SHISA9: variants seen among roughly 807,000 people sequenced by gnomAD.
SHISA9 encodes shisa family member 9.
Under a neutral mutation model 38.0 loss-of-function variants are expected in SHISA9, and 13 were observed. The observed-to-expected ratio is 0.34, with a 90% CI of 0.22 to 0.54. SHISA9 has a LOEUF of 0.54. SHISA9 is among the 20% of genes least tolerant of loss of function. The pLI, the probability that SHISA9 is intolerant of heterozygous loss-of-function variation, is 0.91. For synonymous variants in SHISA9, 275 were observed against 242.0 expected (o/e 1.14, Z -1.27); for missense variants, 538 against 575.8 (o/e 0.93, Z 0.67).
chr16:13,297,826 G>C, the SHISA9 span, among the ~76,000 whole-genome samples: 2 of 151,902 alleles, frequency 1.3e-5, no homozygotes, highest in Non-Finnish European at 2.9e-5. Flanking sequence ...GCACAATCTC[G>C]GCTCACTGCA....
At chr16:13,367,735 CA>C in the SHISA9 span, among the ~76,000 whole-genome samples, 1 of 148,354 alleles carries the variant, frequency 6.7e-6, no homozygotes, top group African/African-American at 2.5e-5. Flanking sequence ...CACACACACA[CA>C]CACACACACA....
chr16:13,194,345 G>T (rs2050916693), intron 2 of SHISA9, among the ~76,000 whole-genome samples: 1 of 152,204 alleles, frequency 6.6e-6, no homozygotes, highest in African/African-American at 2.4e-5. Flanking sequence ...ACCTCCTTCA[G>T]CAGCAATAAG....
chr16:13,338,816 CA>C, the SHISA9 span, among the ~76,000 whole-genome samples: 1 of 152,074 alleles, frequency 6.6e-6, no homozygotes, highest in South Asian at 2.1e-4. Flanking sequence ...TACAGTAAAG[CA>C]AAAGTCACGA....
At chr16:13,190,211 C>G (rs2050870201) in intron 2 of SHISA9, among the ~76,000 whole-genome samples, 1 of 150,256 alleles carries the variant, frequency 6.7e-6, no homozygotes, top group African/African-American at 2.4e-5. Flanking sequence ...GGTATATCTC[C>G]CAATGCTATC....
At chr16:13,138,571 G>A (rs906906512) in intron 2 of SHISA9, among the ~76,000 whole-genome samples, 3 of 152,062 alleles carry the variant, frequency 2.0e-5, no homozygotes, top group African/African-American at 7.2e-5. Context: ...TAGACTCCAC[G>A]AACTACCCCT....
chr16:13,489,454 C>A, the SHISA9 span, among the ~76,000 whole-genome samples: 19 of 152,078 alleles, frequency 1.2e-4, no homozygotes, highest in Middle Eastern at 3.2e-3. Context: ...TTGGCTGTGT[C>A]TCAACTCAAA....
At chr16:12,988,249 C>A (rs868842372) in intron 2 of SHISA9, among the ~76,000 whole-genome samples, 20 of 152,326 alleles carry the variant, frequency 1.3e-4, no homozygotes, top group Middle Eastern at 3.4e-3. Flanking sequence ...CAGTTAAATT[C>A]TTCATGGCTG....
intron 2 of SHISA9, among the ~76,000 whole-genome samples, chr16:12,966,031 G>C (rs1409071035): frequency 6.6e-6 from 1 of 152,188 alleles, no homozygotes; most frequent in East Asian, 1.9e-4. Context: ...GTTGTAGAAG[G>C]CTTCTTGTCT....
chr16:13,188,575 G>T (rs1596714351), intron 2 of SHISA9, among the ~76,000 whole-genome samples: 2 of 152,042 alleles, frequency 1.3e-5, no homozygotes, highest in East Asian at 3.9e-4. Context: ...AAATCAGCCA[G>T]GCATGCTGGT....
At chr16:13,469,571 T>C in the SHISA9 span, among the ~76,000 whole-genome samples, 1 of 152,190 alleles carries the variant, frequency 6.6e-6, no homozygotes, top group African/African-American at 2.4e-5. Flanking sequence ...TCCAGTTCTG[T>C]GCTCATCCAA....
the SHISA9 span, among the ~76,000 whole-genome samples, chr16:13,519,477 A>G: frequency 6.6e-6 from 1 of 152,176 alleles, no homozygotes; most frequent in Non-Finnish European, 1.5e-5. Context: ...CAAAATGCCC[A>G]CCACATCTTC....
At chr16:13,262,051 A>C in the SHISA9 span, among the ~76,000 whole-genome samples, 314 of 152,364 alleles carry the variant, frequency 2.1e-3, 1 homozygote, top group African/African-American at 7.0e-3. Flanking sequence ...TAATTAAATC[A>C]GTCAGACTCA....
At chr16:12,902,826 G>C in intron 1 of SHISA9, 199 bp downstream of exon 1, 1 of 609,006 alleles carries the variant, frequency 1.6e-6, no homozygotes, top group Non-Finnish European at 2.9e-6. Context: ...GTGTGGGTCT[G>C]AGCGTGTTCG....
intron 2 of SHISA9, among the ~76,000 whole-genome samples, chr16:12,939,716 C>T (rs2071583907): frequency 6.6e-6 from 1 of 152,194 alleles, no homozygotes; most frequent in Non-Finnish European, 1.5e-5. Context: ...CTGCCTCTCC[C>T]TGTCTATTGT....
At chr16:13,201,488 C>G (rs2051005666) in intron 2 of SHISA9, among the ~76,000 whole-genome samples, 1 of 133,148 alleles carries the variant, frequency 7.5e-6, no homozygotes, top group South Asian at 2.3e-4. Context: ...TGGCTGAATC[C>G]AAGGGTGTAG....
intron 2 of SHISA9, among the ~76,000 whole-genome samples, chr16:13,134,231 T>C (rs2141989694): frequency 6.6e-6 from 1 of 152,334 alleles, no homozygotes; most frequent in East Asian, 1.9e-4. Context: ...ACTTGTGAAA[T>C]AGGGAACAGT....
At chr16:13,281,657 AGATTTTCAGT>A in the SHISA9 span, among the ~76,000 whole-genome samples, 1 of 150,154 alleles carries the variant, frequency 6.7e-6, no homozygotes, top group African/African-American at 2.4e-5. Context: ...ACTTTTTCTA[AGATTTTCAGT>A]GATTGTTCTA....
chr16:13,176,950 AC>A (rs2050736842), intron 2 of SHISA9, among the ~76,000 whole-genome samples: 1 of 152,146 alleles, frequency 6.6e-6, no homozygotes, highest in Non-Finnish European at 1.5e-5. Context: ...TGGGGAGGAC[AC>A]ATGACTCCAA....
At chr16:13,177,893 C>T (rs2050745188) in intron 2 of SHISA9, among the ~76,000 whole-genome samples, 1 of 152,122 alleles carries the variant, frequency 6.6e-6, no homozygotes, top group East Asian at 1.9e-4. Flanking sequence ...TGATCTGAAA[C>T]CCCTGACCTC....
Sources: allele counts gnomAD v4.1 joint callset (sites outside exome capture counted in the v4.1 genomes callset), GRCh38; gene constraint gnomAD v4.1.1; transcripts MANE v1.5; gene names NCBI Gene and HGNC (gene_info 2026-07-23, HGNC 2026-07-21).